TAF1: variants seen among roughly 807,000 people sequenced by gnomAD.
The protein encoded by TAF1 is TATA-box binding protein associated factor 1.
In TAF1, 2 loss-of-function variants were observed where a neutral mutation model predicts 138.5. The ratio of observed to expected loss-of-function variants is 0.01; its 90% CI spans 0.01 to 0.05. TAF1 has a LOEUF of 0.05. TAF1 is among the 10% of genes least tolerant of loss of function. The pLI is 1.00. For synonymous variants in TAF1, 437 were observed against 503.2 expected (o/e 0.87, Z 1.76); for missense variants, 709 against 1,478.0 (o/e 0.48, Z 8.53).
At chrX:71,501,628 T>A (rs1312349288) in intron 13 of TAF1, among the ~76,000 whole-genome samples, 7 of 111,360 alleles carry the variant, frequency 6.3e-5, no homozygotes, top group South Asian at 3.8e-4. Flanking sequence ...GCTGAATGGC[T>A]TTCCTCTCTG....
At chrX:71,401,808 A>G in intron 25 of TAF1, 69 bp downstream of exon 25, 1 of 1,030,872 alleles carries the variant, frequency 9.7e-7, no homozygotes, top group East Asian at 3.0e-5. Flanking sequence ...GGTGGCTGGC[A>G]GGGGTAGATG....
intron 36 of TAF1, 74 bp downstream of exon 36, chrX:71,459,782 C>G (rs186933986): frequency 8.6e-7 from 1 of 1,165,084 alleles, no homozygotes; most frequent in African/African-American, 1.8e-5. Flanking sequence ...GATAGGCGCT[C>G]TTGGCCACAT....
rs1271234899 is a variant in TAF1, at chrX:71,450,671, A to G, written c.4754-3499A>G. Among the ~76,000 whole-genome samples the G allele has an allele frequency of 4.5e-5, 5 of 112,206 alleles. 1 individual carries two copies. The Admixed American group carries it at 4.7e-4, about 11-fold the overall frequency. On this transcript the variant is annotated intron_variant, in intron 32 of 37. Transcript: ENST00000423759. ...TTGCATTGTATTGCCCTATTTGTTTACAGTCTATTTCACTGTACTAGACTA... is the reference window on the plus strand; with the variant it reads ...TTGCATTGTATTGCCCTATTTGTTTGCAGTCTATTTCACTGTACTAGACTA...
At chrX:71,510,715 C>T (rs2039714933) in intron 13 of TAF1, among the ~76,000 whole-genome samples, 1 of 111,513 alleles carries the variant, frequency 9.0e-6, no homozygotes, top group African/African-American at 3.3e-5. Context: ...GTAGGATGGT[C>T]CAGGGAGAGC....
chrX:71,382,400 G>C (rs968240976), intron 9 of TAF1, 136 bp from the exon 10 acceptor site: 24 of 855,293 alleles, frequency 2.8e-5, no homozygotes, highest in African/African-American at 2.3e-4. Context: ...GTTACCTGGG[G>C]GGGGGTGGGA....
Position 71,398,562 on chromosome X carries a change from C to A in TAF1, c.3621-10C>A, listed in dbSNP as rs1309721784. 1 of 1,209,949 alleles carries A rather than the reference C, an allele frequency of 8.3e-7. No homozygotes were observed. Among genetic ancestry groups the A allele is most frequent in the Non-Finnish European group, 1.1e-6 (1 of 894,838 alleles). ...GTGATTTTTCTTCCTCTGCTGCTCA[C>A]ACTGTTCAGTCGAAAATTTGCCCTT... On this transcript the variant is annotated splice_polypyrimidine_tract_variant and intron_variant, in intron 23 of 37. Coordinates refer to ENST00000423759, the MANE Select transcript of TAF1 (RefSeq NM_004606.5).
In TAF1 at chrX:71,377,599, C is replaced by T. The variant is rs1234836460; in HGVS notation, c.715-4C>T. 2 of 1,209,807 alleles carry T rather than the reference C, an allele frequency of 1.7e-6. No individual in the cohort carries two copies. Among genetic ancestry groups the T allele is most frequent in the Admixed American group, 4.4e-5 (2 of 45,675 alleles). On this transcript the variant is annotated splice_region_variant and splice_polypyrimidine_tract_variant and intron_variant, in intron 5 of 37. Coordinates refer to ENST00000423759, the MANE Select transcript of TAF1 (RefSeq NM_004606.5). ...GTGTCATAGTAATGTATTCTGTGTT[C>T]TAGGTGTTACGTTTTCTACGTCTTT...
chrX:71,528,354 AC>A, intron 13 of TAF1: 1 of 261,109 alleles, frequency 3.8e-6, no homozygotes, highest in Non-Finnish European at 7.2e-6. Flanking sequence ...AACTCTTGCA[AC>A]CCCAGGAGGA....
At chrX:71,413,077 C>T (rs1252466487) in intron 28 of TAF1, among the ~76,000 whole-genome samples, 1 of 111,072 alleles carries the variant, frequency 9.0e-6, no homozygotes, top group Non-Finnish European at 1.9e-5. Context: ...TTCTAATTTT[C>T]GGATTAGGGA....
At chrX:71,514,554 G>T (rs2039793337) in intron 13 of TAF1, among the ~76,000 whole-genome samples, 1 of 109,907 alleles carries the variant, frequency 9.1e-6, no homozygotes, top group African/African-American at 3.3e-5. Flanking sequence ...GAAACACTGG[G>T]GTTATAGATG....
At chrX:71,429,042 G>A (rs745977465) in intron 32 of TAF1, among the ~76,000 whole-genome samples, 1 of 111,561 alleles carries the variant, frequency 9.0e-6, no homozygotes, top group South Asian at 3.7e-4. Context: ...TTGGGAGGCT[G>A]AGGTGGGCGG....
At chrX:71,516,641 TAAAA>T (rs35879951) in intron 13 of TAF1, among the ~76,000 whole-genome samples, 1 of 83,628 alleles carries the variant, frequency 1.2e-5, no homozygotes, top group Non-Finnish European at 2.4e-5. Context: ...GACCCCGTCT[TAAAA>T]AAAAAAAAAA....
At chrX:71,438,379 C>T (rs1252999971) in intron 32 of TAF1, among the ~76,000 whole-genome samples, 5 of 111,668 alleles carry the variant, frequency 4.5e-5, no homozygotes, top group Non-Finnish European at 9.4e-5. Flanking sequence ...ATACAATATT[C>T]TTCCTTTTGT....
chrX:71,456,166 C>T (rs1446206194), intron 34 of TAF1, among the ~76,000 whole-genome samples: 2 of 111,615 alleles, frequency 1.8e-5, no homozygotes, highest in African/African-American at 3.3e-5. Context: ...AGAGTCTAGC[C>T]ATTGAATGGC....
chrX:71,379,692 T>C lies in TAF1; in HGVS notation c.1360+661T>C, dbSNP rs1401257693. ...ATCTCAGCTCACTGCAATCTCTCCC[T>C]CCTGGGCTCAGGCGATTCTCCTGCC... is the stretch of plus-strand genomic sequence containing the variant. On this transcript the variant is annotated intron_variant, in intron 8 of 37. Transcript: ENST00000423759. 6.8e-5 allele frequency among the ~76,000 whole-genome samples: 7 copies of C among 102,283 alleles called. No homozygotes were observed. In the Admixed American group the frequency reaches 7.9e-4, roughly 12 times the overall value. The allele number at this position is 102,283 out of a possible 115,157, so 88.8% of individuals were successfully genotyped here.
chrX:71,511,118 T>TAA (rs374370428), intron 13 of TAF1, among the ~76,000 whole-genome samples: 5 of 102,683 alleles, frequency 4.9e-5, no homozygotes, highest in African/African-American at 1.1e-4. Context: ...ATAAAAAAAA[T>TAA]AAAAAAAAAA....
chrX:71,492,954 GCTC>G (rs2039322731), intron 13 of TAF1: 6 of 112,661 alleles, frequency 5.3e-5, no homozygotes, highest in Middle Eastern at 4.7e-3. Context: ...CTCCGGCATT[GCTC>G]CGCGGCTGGA....
chrX:71,379,105 A>ATTTTTTTTTTTTTTTTTTTTTTTTTT (rs916740866), intron 8 of TAF1, 74 bp downstream of exon 8: 1 of 332,928 alleles, frequency 3.0e-6, no homozygotes. Context: ...CTCAGCTGTG[A>ATTTTTTTTTTTTTTTTTTTTTTTTTT]TTTTTTTTTT....
chrX:71,463,022 A>AT lies in TAF1; in HGVS notation c.5400-801dup, dbSNP rs28382212. On this transcript the variant is annotated intron_variant, in intron 37 of 37. Transcript: ENST00000423759. ...GGAATACCATGTAGCTATTAAAATT[A>AT]TGCTATAGACGTTATGTTTATTGAC... Among the ~76,000 whole-genome samples, 289 of 112,056 alleles carry AT rather than the reference A, an allele frequency of 2.6e-3. No individual in the cohort carries two copies. The East Asian group carries it at 0.041, about 16-fold the overall frequency.
Sources: allele counts gnomAD v4.1 joint callset (sites outside exome capture counted in the v4.1 genomes callset), GRCh38; gene constraint gnomAD v4.1.1; transcripts MANE v1.5; gene names NCBI Gene and HGNC (gene_info 2026-07-23, HGNC 2026-07-21).